The following DDX60L variants were observed in gnomAD, a reference collection of about 807,000 sequenced individuals.
The protein encoded by DDX60L is DExD/H-box 60 like, also known as probable ATP-dependent RNA helicase DDX60-like.
DDX60L carries 191 observed loss-of-function variants against 211.6 expected under a neutral mutation model. That is an observed-to-expected ratio of 0.90 (90% CI 0.80 to 1.02). DDX60L has a LOEUF of 1.02. Among genes scored for constraint, DDX60L ranks in the 50% least tolerant of loss-of-function variants. DDX60L has a pLI of 0.00. For missense variants in DDX60L, 2,007 were observed against 1,984.1 expected (o/e 1.01, Z -0.22); for synonymous variants, 706 against 694.1 (o/e 1.02, Z -0.27).
At chr4:168,456,578 A>G (rs1756600452) in intron 6 of DDX60L, among the ~76,000 whole-genome samples, 1 of 152,180 alleles carries the variant, frequency 6.6e-6, no homozygotes, top group Admixed American at 6.5e-5. Context: ...TTGTGTGGTG[A>G]GTCACCTCTC....
intron 10 of DDX60L, among the ~76,000 whole-genome samples, chr4:168,433,791 T>C (rs1281568679): frequency 6.6e-6 from 1 of 152,202 alleles, no homozygotes; most frequent in Non-Finnish European, 1.5e-5. Context: ...GACTATTTCC[T>C]TCTTCCTGAA....
chr4:168,465,144 C>A (rs567854407), intron 4 of DDX60L, among the ~76,000 whole-genome samples: 2 of 109,234 alleles, frequency 1.8e-5, no homozygotes, highest in Admixed American at 2.1e-4. Context: ...TTCTCTACAT[C>A]CTTACTAGCA....
chr4:168,457,259 C>CAT (rs147907092), intron 6 of DDX60L, among the ~76,000 whole-genome samples: 45,654 of 109,120 alleles, frequency 0.42, 7,588 homozygotes, highest in South Asian at 0.46. Flanking sequence ...ATATAAACTA[C>CAT]ATACACACAC....
chr4:168,400,860 C>G lies in DDX60L; in HGVS notation c.3457G>C (p.Val1153Leu), dbSNP rs369650086. The G allele has an allele frequency of 1.4e-5, 23 of 1,612,838 alleles. No individual in the cohort carries two copies. The highest frequency in any genetic ancestry group is 2.0e-5 in the Non-Finnish European group (23 of 1,179,472). ...TGTGTCTTCCTCACTTTTTCAAGTA[C>G]TTCATCTATTGCAAAGACATAACTA... ...CHSYVFAIDE[V>L]LEKVRKTQKR... Residue 1153 changes from valine to leucine, a missense_variant, in exon 26 of 38, where the codon GTA (valine) becomes CTA (leucine). Physicochemically the swap from Val to Leu is conservative, Grantham distance 32. Coordinates refer to ENST00000682922, the MANE Select transcript of DDX60L (RefSeq NM_001012967.3).
chr4:168,423,789 A>G lies in DDX60L; in HGVS notation c.1931-15T>C, dbSNP rs373063110. 1.3e-5 allele frequency: 20 copies of G among 1,524,876 alleles called. No individual in the cohort carries two copies. The highest frequency in any genetic ancestry group is 1.8e-5 in the Non-Finnish European group (20 of 1,130,854). 94.5% of individuals were successfully genotyped at this position (1,524,876 alleles called of 1,614,324 possible). A position where few individuals can be genotyped will look rare whatever the true frequency, so the allele number is the denominator to read the frequency against. On this transcript the variant is annotated splice_polypyrimidine_tract_variant and intron_variant, in intron 14 of 37. Transcript: ENST00000682922. ...CGAAATTTTGCCTTGTTAAAGAAAC[A>G]ATAAAATTGTTATAAAGAACACCAA...
At chr4:168,427,963 A>G (rs1221074336) in intron 13 of DDX60L, among the ~76,000 whole-genome samples, 2 of 152,222 alleles carry the variant, frequency 1.3e-5, no homozygotes, top group African/African-American at 2.4e-5. Context: ...GTGAGCTCCC[A>G]TCAGTTCCTG....
At chr4:168,474,996 G>C (rs1759285154) in intron 1 of DDX60L, among the ~76,000 whole-genome samples, 1 of 152,060 alleles carries the variant, frequency 6.6e-6, no homozygotes, top group Non-Finnish European at 1.5e-5. Flanking sequence ...AAGATAAAGA[G>C]AAAATCTAAC....
chr4:168,413,676 T>G (rs1010111073), intron 22 of DDX60L, among the ~76,000 whole-genome samples: 33 of 151,632 alleles, frequency 2.2e-4, no homozygotes, highest in African/African-American at 7.8e-4. Context: ...TGAAAATATA[T>G]AGTCAAAAGA....
intron 1 of DDX60L, among the ~76,000 whole-genome samples, chr4:168,473,527 G>T (rs1759078563): frequency 6.6e-6 from 1 of 152,208 alleles, no homozygotes; most frequent in Non-Finnish European, 1.5e-5. Flanking sequence ...TGGGAAGGGA[G>T]AGTTGGGGAG....
Position 168,422,554 on chromosome 4 carries a change from C to G in DDX60L, c.2214G>C (p.Arg738Ser), listed in dbSNP as rs1347042792. Residue 738 changes from arginine to serine, a missense_variant, in exon 16 of 38, where the codon AGG becomes AGC. Coordinates refer to ENST00000682922, the MANE Select transcript of DDX60L (RefSeq NM_001012967.3). ...IRDERKDRDP[R>S]VQDFIPNAWQ... ...ATGCGTTGGGAATAAAATCCTGGAC[C>G]CTGGGATCCCGATCTTTTCTTTCAT... The G allele has an allele frequency of 6.2e-7, 1 of 1,612,226 alleles. No homozygotes were observed. Among genetic ancestry groups the G allele is most frequent in the Non-Finnish European group, 8.5e-7 (1 of 1,179,358 alleles).
At chr4:168,375,286 C>A (rs1446522564) in intron 34 of DDX60L, 91 bp downstream of exon 34, 2 of 1,385,158 alleles carry the variant, frequency 1.4e-6, no homozygotes, top group Non-Finnish European at 2.0e-6. Context: ...AGCTCCTTTA[C>A]CAGCTTTGAA....
At chr4:168,430,442 C>G (rs1465234581) in intron 13 of DDX60L, 36 bp downstream of exon 13, 1 of 1,531,226 alleles carries the variant, frequency 6.5e-7, no homozygotes, top group South Asian at 1.3e-5. Context: ...AAAACAACAT[C>G]AAAGAAAAAA....
At chr4:168,449,525 T>C (rs1427339184) in intron 8 of DDX60L, among the ~76,000 whole-genome samples, 2 of 130,524 alleles carry the variant, frequency 1.5e-5, no homozygotes, top group Non-Finnish European at 3.2e-5. Context: ...AGATGACACG[T>C]TAGTGGGTGC....
intron 22 of DDX60L, among the ~76,000 whole-genome samples, chr4:168,412,664 G>A (rs1354070051): frequency 6.6e-6 from 1 of 152,194 alleles, no homozygotes; most frequent in Non-Finnish European, 1.5e-5. Flanking sequence ...AGAGTCCTCA[G>A]GCCTTGAATG....
chr4:168,413,022 A>G (rs560502334), intron 22 of DDX60L, among the ~76,000 whole-genome samples: 2 of 152,368 alleles, frequency 1.3e-5, no homozygotes, highest in South Asian at 4.1e-4. Context: ...CTTAGATCAC[A>G]ACATCCAAGT....
At chr4:168,367,157 T>C (rs917382450) in intron 36 of DDX60L, among the ~76,000 whole-genome samples, 5 of 147,140 alleles carry the variant, frequency 3.4e-5, no homozygotes, top group Admixed American at 2.8e-4. Context: ...GGTTAAAGAC[T>C]TAAATGTAAA....
intron 4 of DDX60L, among the ~76,000 whole-genome samples, chr4:168,466,747 T>A (rs533857513): frequency 5.1e-4 from 77 of 152,304 alleles, no homozygotes; most frequent in African/African-American, 1.8e-3. Flanking sequence ...AGTTTATGTT[T>A]AAAAACTGGT....
At chr4:168,419,707 C>G (rs1307531913) in intron 18 of DDX60L, among the ~76,000 whole-genome samples, 1 of 152,200 alleles carries the variant, frequency 6.6e-6, no homozygotes, top group African/African-American at 2.4e-5. Flanking sequence ...ACTATCAACA[C>G]ACAATCTTTT....
chr4:168,389,428 A>G (rs1454043478), intron 29 of DDX60L, among the ~76,000 whole-genome samples: 1 of 152,234 alleles, frequency 6.6e-6, no homozygotes, highest in African/African-American at 2.4e-5. Flanking sequence ...TATAAAATAC[A>G]TAGTTCAGGG....
Sources: allele counts gnomAD v4.1 joint callset (sites outside exome capture counted in the v4.1 genomes callset), GRCh38; gene constraint gnomAD v4.1.1; transcripts MANE v1.5; gene names NCBI Gene and HGNC (gene_info 2026-07-23, HGNC 2026-07-21).